NMUR1: variants seen among roughly 807,000 people sequenced by gnomAD.
NMUR1 encodes the protein neuromedin-U receptor 1.
NMUR1 carries 16 observed loss-of-function variants against 18.8 expected under a neutral mutation model. The ratio of observed to expected loss-of-function variants is 0.85; its 90% confidence interval spans 0.58 to 1.29. The LOEUF (loss-of-function observed/expected upper bound fraction) is 1.29. Ranked by LOEUF, NMUR1 falls within the 50% of genes most tolerant of loss-of-function variation. NMUR1 has a pLI of 0.00. For synonymous variants in NMUR1, 258 were observed against 258.2 expected (o/e 1.00, Z 0.01); for missense variants, 529 against 580.3 (o/e 0.91, Z 0.91).
chr2:231,523,062 C>T (rs114690194), downstream of NMUR1: 1,082 of 311,312 alleles, frequency 3.5e-3, 7 homozygotes, highest in African/African-American at 0.021. Context: ...TGAGTGCAAG[C>T]GTGAGCTTGG....
downstream of NMUR1, among the ~76,000 whole-genome samples, chr2:231,520,588 C>G (rs1023019415): frequency 6.6e-6 from 1 of 152,232 alleles, no homozygotes. Flanking sequence ...CCCTCTCCCC[C>G]ACAAGGCAAC....
intron 1 of NMUR1, among the ~76,000 whole-genome samples, chr2:231,529,519 CG>C (rs2047395476): frequency 6.6e-6 from 1 of 150,786 alleles, no homozygotes; most frequent in African/African-American, 2.4e-5. Context: ...AAAAAAAACA[CG>C]TGGGGTTTTG....
Position 231,525,152 on chromosome 2 carries a change from C to T in NMUR1, c.1172G>A (p.Arg391Lys), listed in dbSNP as rs779616898. The change falls in exon 3 of 3, where the codon AGG becomes AAG. Residue 391 changes from arginine (R) to lysine (K), a missense_variant. Arg to Lys is a conservative substitution (Grantham distance 26). Coordinates refer to ENST00000305141, the MANE Select transcript of NMUR1 (RefSeq NM_006056.5). Reference protein sequence around the residue: ...RPRHSSHSLSRMTTGSTLCDV... With the variant: ...RPRHSSHSLSKMTTGSTLCDV... ...ACACAGGGTGCTGCCTGTGGTCATC[C>T]TGCTGAGGCTGTGGGAGCTGTGGCG... is the stretch of plus-strand genomic sequence containing the variant. 1.9e-6 allele frequency: 3 copies of T among 1,614,016 alleles called. No individual in the cohort carries two copies. The highest frequency in any genetic ancestry group is 2.5e-6 in the Non-Finnish European group (3 of 1,180,022).
At chr2:231,529,358 G>A (rs1381640853) in intron 1 of NMUR1, among the ~76,000 whole-genome samples, 1 of 152,162 alleles carries the variant, frequency 6.6e-6, no homozygotes, top group Non-Finnish European at 1.5e-5. Context: ...TACTTGGGAG[G>A]CTGAGGCGGG....
downstream of NMUR1, among the ~76,000 whole-genome samples, chr2:231,521,037 A>T (rs2047299935): frequency 6.6e-6 from 1 of 152,162 alleles, no homozygotes; most frequent in African/African-American, 2.4e-5. Context: ...AGGCTGATGG[A>T]TTGGGAGAAA....
chr2:231,519,365 C>A (rs1370857017), downstream of NMUR1, among the ~76,000 whole-genome samples: 1 of 152,246 alleles, frequency 6.6e-6, no homozygotes, highest in Non-Finnish European at 1.5e-5. Context: ...GCCCAGTCCC[C>A]AGTTTTCCTG....
At chr2:231,527,002 G>C (rs988500170) in intron 2 of NMUR1, among the ~76,000 whole-genome samples, 2 of 152,176 alleles carry the variant, frequency 1.3e-5, no homozygotes, top group African/African-American at 4.8e-5. Flanking sequence ...CACGCCTCGG[G>C]ATGGGGCTGT....
Position 231,528,376 on chromosome 2 carries a change from G to C in NMUR1, c.645C>G (p.Asp215Glu). 1 of 1,613,784 alleles carries C rather than the reference G, an allele frequency of 6.2e-7. No individual in the cohort carries two copies. Among genetic ancestry groups the C allele is most frequent in the South Asian group, 1.1e-5 (1 of 91,062 alleles). The part of the protein sequence containing the change: ...LHVPCRGPVP[D>E]SAVCMLVRPR... ...GGCGGACCAGCATGCAAACAGCTGA[G>C]TCTGGCACTGGGCCCCGGCAGGGCA... is the stretch of plus-strand genomic sequence containing the variant. Residue 215 changes from aspartate (D) to glutamate (E), a missense_variant, in exon 2 of 3, where the codon GAC becomes GAG. By Grantham distance (45) the Asp-to-Glu change is conservative (BLOSUM62 2). Coordinates refer to ENST00000305141, the MANE Select transcript of NMUR1 (RefSeq NM_006056.5).
chr2:231,527,228 CCTT>C lies in NMUR1; in HGVS notation c.898+892_898+894del, dbSNP rs578061340. On this transcript the variant is annotated intron_variant, in intron 2 of 2. Coordinates refer to ENST00000305141, the MANE Select transcript of NMUR1 (RefSeq NM_006056.5). ...TGACCTAGGCCACGCCCATCAGAAT[CCTT>C]CTTGGGATTTTTCACTCATCTCTAA... 1.3e-3 allele frequency among the ~76,000 whole-genome samples: 199 copies of C among 152,340 alleles called. 5 individuals are homozygous for C. The South Asian group carries it at 0.032, about 25-fold the overall frequency.
chr2:231,521,392 TA>T (rs1452087043), downstream of NMUR1, among the ~76,000 whole-genome samples: 1 of 152,028 alleles, frequency 6.6e-6, no homozygotes, highest in African/African-American at 2.4e-5. Flanking sequence ...AATAAAAGAA[TA>T]AATGTGTCAT....
rs1426696501 is a variant in NMUR1 at position 231,524,124 on chromosome 2, G to C, written c.*919C>G. 1 of 152,244 alleles carries C rather than the reference G, an allele frequency of 6.6e-6. No homozygotes were observed. Among genetic ancestry groups the C allele is most frequent in the Non-Finnish European group, 1.5e-5 (1 of 68,046 alleles). 9.4% of individuals were successfully genotyped at this position (152,244 alleles called of 1,614,324 possible). A position where few individuals can be genotyped will look rare whatever the true frequency, so the allele number is the denominator to read the frequency against. On this transcript the variant is annotated 3_prime_UTR_variant, in exon 3 of 3. Coordinates refer to ENST00000305141, the MANE Select transcript of NMUR1 (RefSeq NM_006056.5). ...AATAACTTCCGCCCTTTCAGTCTGAGGGTATTGTTGGTTTTATTATAAGCA... is the reference window on the plus strand; with the variant it reads ...AATAACTTCCGCCCTTTCAGTCTGACGGTATTGTTGGTTTTATTATAAGCA...
At chr2:231,527,139 T>C (rs2047364127) in intron 2 of NMUR1, among the ~76,000 whole-genome samples, 1 of 151,390 alleles carries the variant, frequency 6.6e-6, no homozygotes, top group Admixed American at 6.6e-5. Context: ...CAGATCTCAC[T>C]GTGTAGTTCC....
chr2:231,525,102 C>A lies in NMUR1; in HGVS notation c.1222G>T (p.Val408Phe), dbSNP rs772996560. The stretch of plus-strand genomic sequence containing the variant: ...CCATCGTTCCCAGCCAGGGGGTGGA[C>A]CCAGCTGCCCAGGGAGCCCACATCA... Reference protein sequence around the residue: ...LCDVGSLGSWVHPLAGNDGPE... With the variant: ...LCDVGSLGSWFHPLAGNDGPE... Residue 408 changes from valine to phenylalanine, a missense_variant, in exon 3 of 3, where the codon GTC becomes TTC. Physicochemically the swap from Val to Phe is conservative, Grantham distance 50 (BLOSUM62 -1). Coordinates refer to ENST00000305141, the MANE Select transcript of NMUR1 (RefSeq NM_006056.5). 48 of 1,610,910 alleles carry A rather than the reference C, an allele frequency of 3.0e-5. No individual in the cohort carries two copies. The South Asian group carries it at 5.1e-4, about 17-fold the overall frequency.
Position 231,525,054 on chromosome 2 carries a change from C to T in NMUR1, c.1270G>A (p.Asp424Asn), listed in dbSNP as rs139189578. ...CTTTAAGGCTCCACTCAGGATGGAT[C>T]GGTCTCTTGCTGCGCCTCTGGGCCA... is the stretch of plus-strand genomic sequence containing the variant. ...NDGPEAQQET[D>N]PS Residue 424 changes from aspartate to asparagine, a missense_variant, in exon 3 of 3, where the codon GAT (aspartate) becomes AAT (asparagine). Asp to Asn is a conservative substitution (Grantham distance 23, BLOSUM62 1). Transcript: ENST00000305141. The T allele has an allele frequency of 6.6e-5, 104 of 1,575,376 alleles. No individual in the cohort carries two copies. The East Asian group carries it at 1.9e-3, about 29-fold the overall frequency.
At position 231,524,814 on chromosome 2, in the gene NMUR1, T is replaced by G. The variant is rs1575285746; in HGVS notation, c.*229A>C. 1 of 500,316 alleles carries G rather than the reference T, an allele frequency of 2.0e-6. No homozygotes were observed. Among genetic ancestry groups the G allele is most frequent in the Non-Finnish European group, 3.5e-6 (1 of 288,162 alleles). The allele number at this position is 500,316 out of a possible 1,614,324, so 31.0% of individuals were successfully genotyped here. On this transcript the variant is annotated 3_prime_UTR_variant, in exon 3 of 3. Coordinates refer to ENST00000305141, the MANE Select transcript of NMUR1 (RefSeq NM_006056.5). ...AGGATTTGAACTGGGGGAGTGGCAG[T>G]GGACAGATAAGAAGCACAAGGTGTG...
Position 231,523,194 on chromosome 2 carries a change from T to A in NMUR1, c.*1849A>T, listed in dbSNP as rs2047321426. On this transcript the variant is annotated 3_prime_UTR_variant, in exon 3 of 3. Transcript: ENST00000305141. ...ACATGCCACTGTTACTGCTTCAGAGTAAAGTTATGGGTGGTTTTAATTTTT... is the reference window on the plus strand; with the variant it reads ...ACATGCCACTGTTACTGCTTCAGAGAAAAGTTATGGGTGGTTTTAATTTTT... 2 of 354,570 alleles carry A rather than the reference T, an allele frequency of 5.6e-6. No homozygotes were observed. The highest frequency in any genetic ancestry group is 4.2e-5 in the African/African-American group (2 of 47,962). The allele number at this position is 354,570 out of a possible 1,614,324, so 22.0% of individuals were successfully genotyped here.
chr2:231,524,909 G>A lies in NMUR1; in HGVS notation c.*134C>T. 8.4e-7 allele frequency: 1 copy of A among 1,193,052 alleles called. No homozygotes were observed. The highest frequency in any genetic ancestry group is 1.1e-6 in the Non-Finnish European group (1 of 872,668). The allele number at this position is 1,193,052 out of a possible 1,614,324, so 73.9% of individuals were successfully genotyped here. On this transcript the variant is annotated 3_prime_UTR_variant, in exon 3 of 3. Coordinates refer to ENST00000305141, the MANE Select transcript of NMUR1 (RefSeq NM_006056.5). ...CTGCTGTTTCCCTCTGAGGGAAACT[G>A]AGGTGCTGGTCAGAATTTCTAGGCT...
At chr2:231,525,557 G>T in intron 2 of NMUR1, 132 bp from the exon 3 acceptor site, 1 of 1,059,364 alleles carries the variant, frequency 9.4e-7, no homozygotes, top group Non-Finnish European at 1.3e-6. Flanking sequence ...CACCCAGGTG[G>T]AAGTTTCTGG....
At chr2:231,527,523 C>A (rs547194353) in intron 2 of NMUR1, among the ~76,000 whole-genome samples, 3 of 151,990 alleles carry the variant, frequency 2.0e-5, no homozygotes, top group African/African-American at 7.2e-5. Flanking sequence ...CTGCCTGTAG[C>A]CCCAGCTACT....
Sources: gnomAD v4.1 joint callset for allele counts (sites outside exome capture counted in the v4.1 genomes callset) on GRCh38, gnomAD v4.1.1 for gene constraint, MANE v1.5 for transcripts, NCBI Gene and HGNC (gene_info 2026-07-23, HGNC 2026-07-21) for gene names.